The following PTK2 variants were observed in gnomAD, a reference collection of about 807,000 sequenced individuals.
PTK2 encodes the protein protein tyrosine kinase 2.
Under a neutral mutation model 150.1 loss-of-function variants are expected in PTK2, and 45 were observed. That is an observed-to-expected ratio of 0.30 (90% confidence interval 0.24 to 0.38). The LOEUF is 0.38. PTK2 is among the 10% of genes least tolerant of loss of function. The pLI is 1.00. For synonymous variants in PTK2, 432 were observed against 449.2 expected (o/e 0.96, Z 0.48); for missense variants, 919 against 1,307.3 (o/e 0.70, Z 4.58).
chr8:140,967,680 C>T (rs918832458), intron 1 of PTK2, among the ~76,000 whole-genome samples: 3 of 151,890 alleles, frequency 2.0e-5, no homozygotes, highest in Middle Eastern at 3.4e-3. Flanking sequence ...GGCTGGTCTC[C>T]AACTCCTGAC....
intron 5 of PTK2, among the ~76,000 whole-genome samples, chr8:140,848,684 C>T (rs576949066): frequency 6.6e-6 from 1 of 152,056 alleles, no homozygotes; most frequent in Admixed American, 6.5e-5. Flanking sequence ...CTTGTTTCTA[C>T]AAAACAAAAA....
intron 2 of PTK2, among the ~76,000 whole-genome samples, chr8:140,894,036 T>C (rs1337990830): frequency 6.6e-6 from 1 of 152,180 alleles, no homozygotes; most frequent in Non-Finnish European, 1.5e-5. Flanking sequence ...CAACTAAATG[T>C]CTGTGTGCTC....
At chr8:140,839,746 A>T (rs1379161332) in intron 7 of PTK2, among the ~76,000 whole-genome samples, 2 of 152,204 alleles carry the variant, frequency 1.3e-5, no homozygotes, top group East Asian at 3.8e-4. Context: ...GACAGCAAAG[A>T]TCAGAAATAT....
chr8:140,836,784 C>T (rs1246967158), intron 7 of PTK2, among the ~76,000 whole-genome samples: 1 of 152,182 alleles, frequency 6.6e-6, no homozygotes, highest in Non-Finnish European at 1.5e-5. Flanking sequence ...ATGCAGCTCA[C>T]ATTCTCCATA....
At chr8:140,797,111 A>G (rs2100092077) in intron 12 of PTK2, among the ~76,000 whole-genome samples, 1 of 143,648 alleles carries the variant, frequency 7.0e-6, no homozygotes, top group Non-Finnish European at 1.5e-5. Flanking sequence ...CTGAAAATGT[A>G]CCAATTTACA....
At chr8:140,962,514 C>T (rs2100183679) in intron 1 of PTK2, among the ~76,000 whole-genome samples, 3 of 152,220 alleles carry the variant, frequency 2.0e-5, no homozygotes, top group Admixed American at 6.5e-5. Flanking sequence ...ACACACAGCT[C>T]GAGCATACTC....
At chr8:140,936,117 T>C (rs2100173539) in intron 1 of PTK2, among the ~76,000 whole-genome samples, 1 of 152,128 alleles carries the variant, frequency 6.6e-6, no homozygotes, top group South Asian at 2.1e-4. Flanking sequence ...GCTATGATAG[T>C]GCTATTGCCC....
intron 1 of PTK2, among the ~76,000 whole-genome samples, chr8:140,988,925 T>G (rs1199522151): frequency 1.3e-5 from 2 of 152,076 alleles, no homozygotes; most frequent in South Asian, 2.1e-4. Flanking sequence ...CCAAGTGAAT[T>G]ATACAGTTAA....
At chr8:140,717,558 G>T in intron 23 of PTK2, 40 bp downstream of exon 26, 1 of 1,489,672 alleles carries the variant, frequency 6.7e-7, no homozygotes, top group East Asian at 2.3e-5. Flanking sequence ...TTGAAAGTTA[G>T]TAAGAGTAAC....
chr8:140,940,260 C>T (rs1290084194), intron 1 of PTK2, among the ~76,000 whole-genome samples: 2 of 152,064 alleles, frequency 1.3e-5, no homozygotes, highest in South Asian at 2.1e-4. Flanking sequence ...GAGGCCGAGG[C>T]GGGTGGATCA....
chr8:140,987,610 A>C (rs2100193788), intron 1 of PTK2, among the ~76,000 whole-genome samples: 1 of 152,274 alleles, frequency 6.6e-6, no homozygotes, highest in African/African-American at 2.4e-5. Context: ...ATTCCATTAC[A>C]CACTGAATTA....
At chr8:140,707,620 G>C (rs1274348290) in intron 23 of PTK2, among the ~76,000 whole-genome samples, 1 of 152,118 alleles carries the variant, frequency 6.6e-6, no homozygotes, top group African/African-American at 2.4e-5. Context: ...GGCCAGGCTG[G>C]TCTTGAACTC....
chr8:141,000,157 TAC>T (rs2100199513), intron 1 of PTK2, among the ~76,000 whole-genome samples: 1 of 139,856 alleles, frequency 7.2e-6, no homozygotes, highest in African/African-American at 2.8e-5. Context: ...AGGATGCCGC[TAC>T]ACAAGGAACC....
At chr8:140,873,033 T>C (rs1039935578) in intron 4 of PTK2, among the ~76,000 whole-genome samples, 3 of 152,248 alleles carry the variant, frequency 2.0e-5, no homozygotes, top group Non-Finnish European at 1.5e-5. Context: ...ACTGTGTGAA[T>C]AATCCCCAAG....
intron 24 of PTK2, among the ~76,000 whole-genome samples, chr8:140,705,728 C>T (rs1170826994): frequency 6.6e-6 from 1 of 152,212 alleles, no homozygotes; most frequent in African/African-American, 2.4e-5. Flanking sequence ...ACACTTTTCA[C>T]ACTTGTCCAT....
chr8:140,894,400 T>C (rs1033289291), intron 2 of PTK2, among the ~76,000 whole-genome samples: 2 of 152,230 alleles, frequency 1.3e-5, no homozygotes, highest in African/African-American at 4.8e-5. Flanking sequence ...TGAAGAGATA[T>C]ACTTAACAAC....
At chr8:140,764,127 AG>A (rs776991349) in intron 15 of PTK2, 106 bp downstream of exon 17, 6 of 894,632 alleles carry the variant, frequency 6.7e-6, no homozygotes, top group African/African-American at 4.9e-5. Flanking sequence ...TCAGCATCCA[AG>A]GAAGTATTAA....
At chr8:140,726,430 C>A (rs1291334377) in intron 22 of PTK2, among the ~76,000 whole-genome samples, 2 of 152,122 alleles carry the variant, frequency 1.3e-5, no homozygotes, top group Non-Finnish European at 2.9e-5. Flanking sequence ...CTAAACACAA[C>A]TGACATTAAG....
intron 2 of PTK2, among the ~76,000 whole-genome samples, chr8:140,905,553 T>C (rs900700404): frequency 4.6e-5 from 7 of 152,148 alleles, no homozygotes; most frequent in Admixed American, 4.6e-4. Flanking sequence ...CAAAGAGACT[T>C]AGACTTCCAC....
Sources: gnomAD v4.1 joint callset for allele counts (sites outside exome capture counted in the v4.1 genomes callset) on GRCh38, gnomAD v4.1.1 for gene constraint, MANE v1.5 for transcripts, NCBI Gene and HGNC (gene_info 2026-07-23, HGNC 2026-07-21) for gene names.